The following COL4A4 variants were observed in gnomAD, a reference collection of about 807,000 sequenced individuals.
COL4A4 encodes collagen alpha-4(IV) chain.
COL4A4 carries 105 observed loss-of-function variants against 192.9 expected under a neutral mutation model. That is an observed-to-expected ratio of 0.54 (90% CI 0.46 to 0.64). COL4A4 has a LOEUF of 0.64. Ranked by LOEUF, COL4A4 falls within the 30% of genes least tolerant of loss-of-function variation. The probability of loss-of-function intolerance (pLI) is 0.00; values close to 1 mark genes in which losing one functional copy is unlikely to be tolerated. For missense variants in COL4A4, 1,967 were observed against 2,169.3 expected (o/e 0.91, Z 1.85); for synonymous variants, 762 against 769.9 (o/e 0.99, Z 0.17).
At chr2:227,144,875 A>G (rs1337390964) in intron 2 of COL4A4, among the ~76,000 whole-genome samples, 1 of 152,194 alleles carries the variant, frequency 6.6e-6, no homozygotes, top group Non-Finnish European at 1.5e-5. Context: ...TCTCAGAATG[A>G]AAACTGCAGG....
Position 227,147,604 on chromosome 2 carries a change from C to A in COL4A4, c.-101-20G>T. On this transcript the variant is annotated intron_variant, in intron 1 of 47. Transcript: ENST00000396625. ...CTGTTCCTGTTAGATATAAATATAT[C>A]ACTTAAAACACAGCATGCATTATAA... 1 of 789,978 alleles carries A rather than the reference C, an allele frequency of 1.3e-6. No homozygotes were observed. The highest frequency in any genetic ancestry group is 2.5e-5 in the East Asian group (1 of 40,070). The allele number at this position is 789,978 out of a possible 1,614,324, so 48.9% of individuals were successfully genotyped here. A position where few individuals can be genotyped will look rare whatever the true frequency, so the allele number is the denominator to read the frequency against.
chr2:227,113,622 C>G (rs1456059327), intron 8 of COL4A4, among the ~76,000 whole-genome samples: 2 of 152,192 alleles, frequency 1.3e-5, no homozygotes, highest in Admixed American at 1.3e-4. Context: ...TCAGTTCTCT[C>G]CTTCCAATAC....
At chr2:227,000,868 G>A (rs1960762346), downstream of COL4A4, among the ~76,000 whole-genome samples, 1 of 152,072 alleles carries the variant, frequency 6.6e-6, no homozygotes, top group Non-Finnish European at 1.5e-5. Context: ...AGATCTGATG[G>A]TTTTGAAAAG....
the COL4A4 span, among the ~76,000 whole-genome samples, chr2:226,994,677 G>C: frequency 6.6e-6 from 1 of 152,114 alleles, no homozygotes; most frequent in East Asian, 1.9e-4. Flanking sequence ...ATTACCTTTA[G>C]GTTGCTGGTT....
chr2:227,163,585 C>T (rs1046375680), intron 1 of COL4A4, among the ~76,000 whole-genome samples: 3 of 152,258 alleles, frequency 2.0e-5, no homozygotes, highest in Non-Finnish European at 4.4e-5. Flanking sequence ...GCTGGAGGAC[C>T]GTGCCCTGGC....
At chr2:227,098,243 A>G (rs2060311053) in intron 19 of COL4A4, among the ~76,000 whole-genome samples, 1 of 152,242 alleles carries the variant, frequency 6.6e-6, no homozygotes, top group South Asian at 2.1e-4. Flanking sequence ...GTAGATGTCA[A>G]CAGGGAGAGC....
At chr2:227,085,058 G>A (rs1055182109) in intron 22 of COL4A4, among the ~76,000 whole-genome samples, 3 of 151,912 alleles carry the variant, frequency 2.0e-5, no homozygotes, top group African/African-American at 7.3e-5. Context: ...CTGAACCCGG[G>A]AGGCAGATGT....
At chr2:227,033,189 TAACC>T (rs556009005) in intron 38 of COL4A4, among the ~76,000 whole-genome samples, 11 of 152,348 alleles carry the variant, frequency 7.2e-5, no homozygotes, top group East Asian at 3.9e-4. Flanking sequence ...AAGACACTGT[TAACC>T]AACCATTCCT....
chr2:227,140,482 T>C (rs1405356483), intron 3 of COL4A4, among the ~76,000 whole-genome samples: 1 of 152,234 alleles, frequency 6.6e-6, no homozygotes. Context: ...TAAAGTCGTT[T>C]GGCTTTAACT....
intron 19 of COL4A4, among the ~76,000 whole-genome samples, chr2:227,096,053 C>T (rs965347605): frequency 2.0e-5 from 3 of 152,200 alleles, no homozygotes; most frequent in South Asian, 2.1e-4. Flanking sequence ...GTCCTACATC[C>T]TCTTGTTGAA....
At chr2:227,097,729 T>C (rs1320575767) in intron 19 of COL4A4, among the ~76,000 whole-genome samples, 1 of 152,198 alleles carries the variant, frequency 6.6e-6, no homozygotes, top group African/African-American at 2.4e-5. Flanking sequence ...AAAGGTTAAG[T>C]GAACTAGACA....
chr2:227,137,356 C>T (rs769494879), intron 4 of COL4A4, among the ~76,000 whole-genome samples: 1 of 152,158 alleles, frequency 6.6e-6, no homozygotes, highest in East Asian at 1.9e-4. Flanking sequence ...TTGGTACCTT[C>T]GTGTAATGAT....
Position 227,028,952 on chromosome 2 carries a change from G to A in COL4A4, c.3974-943C>T, listed in dbSNP as rs1967667819. ...TGGGATTATAGGCATGAACCACTGAGTCAAGCGGAAACTCTGTCCTTATGA... is the reference window on the plus strand; with the variant it reads ...TGGGATTATAGGCATGAACCACTGAATCAAGCGGAAACTCTGTCCTTATGA... On this transcript the variant is annotated intron_variant, in intron 41 of 47. Transcript: ENST00000396625. 1.3e-5 allele frequency among the ~76,000 whole-genome samples: 2 copies of A among 152,150 alleles called. 1 individual carries two copies. Among genetic ancestry groups the A allele is most frequent in the Non-Finnish European group, 2.9e-5 (2 of 68,034 alleles).
intron 4 of COL4A4, among the ~76,000 whole-genome samples, chr2:227,126,512 T>C (rs2062099681): frequency 6.6e-6 from 1 of 152,258 alleles, no homozygotes; most frequent in Non-Finnish European, 1.5e-5. Context: ...TGCCTTTATT[T>C]CAACCATATG....
chr2:227,015,264 A>G (rs906569073), intron 44 of COL4A4, among the ~76,000 whole-genome samples: 2 of 152,186 alleles, frequency 1.3e-5, no homozygotes, highest in Non-Finnish European at 2.9e-5. Flanking sequence ...AGGGATGCGT[A>G]TAAGTAAGAT....
chr2:227,141,592 A>G (rs1381091947), intron 3 of COL4A4, among the ~76,000 whole-genome samples: 1 of 152,218 alleles, frequency 6.6e-6, no homozygotes, highest in Non-Finnish European at 1.5e-5. Context: ...CCAAAAGAAA[A>G]TATCTTTAAG....
intron 35 of COL4A4, among the ~76,000 whole-genome samples, chr2:227,047,065 G>C (rs1483869398): frequency 6.6e-6 from 1 of 152,062 alleles, no homozygotes; most frequent in Admixed American, 6.6e-5. Flanking sequence ...TAGAAAGAAA[G>C]AGCTGGAATG....
chr2:227,066,060 G>T (rs1458249381), intron 25 of COL4A4, among the ~76,000 whole-genome samples: 3 of 152,156 alleles, frequency 2.0e-5, no homozygotes, highest in Non-Finnish European at 4.4e-5. Context: ...ACCAAGCCTC[G>T]AGAACTACGT....
intron 35 of COL4A4, among the ~76,000 whole-genome samples, chr2:227,043,985 T>G (rs966216967): frequency 6.6e-6 from 1 of 152,236 alleles, no homozygotes. Flanking sequence ...ATCTAATGGA[T>G]AGGTCTCTTC....
Sources: allele counts gnomAD v4.1 joint callset (sites outside exome capture counted in the v4.1 genomes callset), GRCh38; gene constraint gnomAD v4.1.1; transcripts MANE v1.5; gene names NCBI Gene and HGNC (gene_info 2026-07-23, HGNC 2026-07-21).